Variants in ANKRD11 observed in about 807,000 individuals in gnomAD.
ANKRD11 encodes the protein ankyrin repeat domain 11, also known as ankyrin repeat domain-containing protein 11.
In ANKRD11, 17 loss-of-function variants were observed where a neutral mutation model predicts 195.7. That is an observed-to-expected ratio of 0.09 (90% CI 0.06 to 0.13). ANKRD11 has a LOEUF of 0.13. Among genes scored for constraint, ANKRD11 ranks in the 10% least tolerant of loss-of-function variants. The pLI, the probability that ANKRD11 is intolerant of heterozygous loss-of-function variation, is 1.00. For missense variants in ANKRD11, 3,735 were observed against 3,566.1 expected (o/e 1.05, Z -1.21); for synonymous variants, 1,953 against 1,528.1 (o/e 1.28, Z -6.49).
At chr16:89,321,741 C>T (rs925101588) in intron 2 of ANKRD11, among the ~76,000 whole-genome samples, 5 of 152,070 alleles carry the variant, frequency 3.3e-5, no homozygotes, top group Non-Finnish European at 7.4e-5. Context: ...AATTCACCTT[C>T]AATAAAGGGA....
At chr16:89,440,580 C>T (rs934214669) in intron 1 of ANKRD11, among the ~76,000 whole-genome samples, 1 of 152,140 alleles carries the variant, frequency 6.6e-6, no homozygotes, top group Non-Finnish European at 1.5e-5. Context: ...TACCAATGCA[C>T]TCCAACCTGG....
At chr16:89,271,322 C>T in intron 11 of ANKRD11, 1 of 300,994 alleles carries the variant, frequency 3.3e-6, no homozygotes. Flanking sequence ...ACCGCAGCCT[C>T]CACCTCCAGG....
intron 2 of ANKRD11, among the ~76,000 whole-genome samples, chr16:89,395,094 A>C (rs182133529): frequency 9.5e-4 from 144 of 152,368 alleles, no homozygotes; most frequent in African/African-American, 3.2e-3. Context: ...CCAAGTGACC[A>C]GGCTGAAGCA....
chr16:89,438,323 C>A (rs2043301608), intron 1 of ANKRD11, among the ~76,000 whole-genome samples: 1 of 109,898 alleles, frequency 9.1e-6, no homozygotes, highest in Non-Finnish European at 1.9e-5. Flanking sequence ...GGATAGGGAA[C>A]ATTTTTTTTT....
chr16:89,291,292 G>A lies in ANKRD11; in HGVS notation c.227-109C>T. On this transcript the variant is annotated intron_variant, in intron 4 of 12. Transcript: ENST00000301030. This position sits in a 1 kb window ranked among gnomAD's most constrained non-coding sequence, Gnocchi z 5.3. ...AGCCCCCTGCGTCCACCTGACAGCT[G>A]ACAGAGCAGAAAGGAAGGTCTGTGT... 1 of 1,370,608 alleles carries A rather than the reference G, an allele frequency of 7.3e-7. No individual in the cohort carries two copies. Among genetic ancestry groups the A allele is most frequent in the South Asian group, 1.2e-5 (1 of 82,208 alleles). 84.9% of individuals were successfully genotyped at this position (1,370,608 alleles called of 1,614,324 possible).
At chr16:89,432,275 ACACC>A (rs1182272656) in intron 1 of ANKRD11, among the ~76,000 whole-genome samples, 3 of 130,208 alleles carry the variant, frequency 2.3e-5, no homozygotes, top group South Asian at 2.5e-4. Context: ...ACACACACAC[ACACC>A]CCTGGAAAAT....
At chr16:89,328,154 T>G (rs200931463) in intron 2 of ANKRD11, among the ~76,000 whole-genome samples, 1 of 26,500 alleles carries the variant, frequency 3.8e-5, no homozygotes, top group African/African-American at 1.2e-4. Flanking sequence ...CGCAATGAGA[T>G]ATTACTGCAC....
intron 4 of ANKRD11, 27 bp downstream of exon 4, chr16:89,305,165 CCTGTGGAGGGCTGA>C: frequency 6.2e-7 from 1 of 1,603,846 alleles, no homozygotes; most frequent in Non-Finnish European, 8.5e-7. Flanking sequence ...CTCCGGGCTG[CCTGTGGAGGGCTGA>C]CTGCAGGAGG....
At chr16:89,339,364 C>A (rs937842886) in intron 2 of ANKRD11, among the ~76,000 whole-genome samples, 42 of 145,570 alleles carry the variant, frequency 2.9e-4, no homozygotes, top group African/African-American at 1.1e-3. Context: ...AGCAAACAAA[C>A]AAACAAACAA....
rs2034163616 is a variant in ANKRD11, at chr16:89,280,860, G to A, written c.5682C>T (p.Pro1894=). Residue 1894 remains proline (P), a synonymous_variant, in exon 9 of 13, where the codon CCC becomes CCT. Transcript: ENST00000301030. ...GGGAAGGAACCAGCAGCTCGGCTCT[G>A]GGGGAAGGGGAAGGTTTTGCTTGTA... ...SSLQAKPSPS[P]RAELLVPSLE... 1 of 1,604,810 alleles carries A rather than the reference G, an allele frequency of 6.2e-7. No homozygotes were observed. Among genetic ancestry groups the A allele is most frequent in the Admixed American group, 1.7e-5 (1 of 59,478 alleles).
chr16:89,478,185 T>C (rs2057321501), intron 1 of ANKRD11, among the ~76,000 whole-genome samples: 1 of 152,178 alleles, frequency 6.6e-6, no homozygotes. Context: ...CCCAGCTGCC[T>C]CGCCAGCAGC....
At chr16:89,314,763 C>T (rs2036846379) in intron 3 of ANKRD11, among the ~76,000 whole-genome samples, 1 of 152,170 alleles carries the variant, frequency 6.6e-6, no homozygotes, top group African/African-American at 2.4e-5. Context: ...GCCACCTCGC[C>T]ATCAATGCCA....
chr16:89,422,375 A>G (rs1403164808), intron 1 of ANKRD11: 1 of 152,172 alleles, frequency 6.6e-6, no homozygotes, highest in Non-Finnish European at 1.5e-5. Flanking sequence ...AATTTTAAAA[A>G]AAAGGATCTT....
At chr16:89,372,472 CTG>C (rs2040237896) in intron 2 of ANKRD11, among the ~76,000 whole-genome samples, 1 of 152,184 alleles carries the variant, frequency 6.6e-6, no homozygotes, top group Non-Finnish European at 1.5e-5. Context: ...CACTGAGTCA[CTG>C]TGAGAAGAGC....
chr16:89,390,941 G>C (rs1343578870), intron 2 of ANKRD11, among the ~76,000 whole-genome samples: 1 of 152,146 alleles, frequency 6.6e-6, no homozygotes, highest in Non-Finnish European at 1.5e-5. Flanking sequence ...TAAAATTATT[G>C]CACCAGGCTG....
chr16:89,316,619 C>T (rs2036972457), intron 3 of ANKRD11, among the ~76,000 whole-genome samples: 1 of 152,330 alleles, frequency 6.6e-6, no homozygotes, highest in Admixed American at 6.5e-5. Context: ...CCTGACAGGC[C>T]TAACAGGAGC....
At chr16:89,302,384 CTGGGATTACAGG>C (rs1348700842) in intron 4 of ANKRD11, among the ~76,000 whole-genome samples, 1 of 152,178 alleles carries the variant, frequency 6.6e-6, no homozygotes, top group Non-Finnish European at 1.5e-5. Flanking sequence ...TCCCGAGTAG[CTGGGATTACAGG>C]CACCCGCCGC....
chr16:89,443,122 G>T (rs1165139797), intron 1 of ANKRD11, among the ~76,000 whole-genome samples: 1 of 152,100 alleles, frequency 6.6e-6, no homozygotes, highest in Non-Finnish European at 1.5e-5. Flanking sequence ...CCCCCGTGTA[G>T]CTCGGATTAC....
At chr16:89,380,720 AGAG>A in intron 2 of ANKRD11, among the ~76,000 whole-genome samples, 1 of 152,246 alleles carries the variant, frequency 6.6e-6, no homozygotes. Flanking sequence ...TTTCCAGGGA[AGAG>A]AAGTGAGCAA....
Sources: gnomAD v4.1 joint callset for allele counts (sites outside exome capture counted in the v4.1 genomes callset) on GRCh38, gnomAD v4.1.1 for gene constraint, Gnocchi (gnomAD v3.1) non-coding constraint, MANE v1.5 for transcripts, NCBI Gene and HGNC (gene_info 2026-07-23, HGNC 2026-07-21) for gene names.